ATP13A3: variants seen among roughly 807,000 people sequenced by gnomAD.
ATP13A3 encodes the protein ATPase 13A3, also known as polyamine-transporting ATPase 13A3.
ATP13A3 carries 59 observed loss-of-function variants against 158.1 expected under a neutral mutation model. The observed-to-expected ratio is 0.37, with a 90% CI of 0.30 to 0.46. The LOEUF (loss-of-function observed/expected upper bound fraction) is 0.46. Ranked by LOEUF, ATP13A3 falls within the 20% of genes least tolerant of loss-of-function variation. The probability of loss-of-function intolerance (pLI) is 1.00; values close to 1 mark genes in which losing one functional copy is unlikely to be tolerated. For missense variants in ATP13A3, 1,166 were observed against 1,525.2 expected, an observed-to-expected ratio of 0.76 and a Z score of 3.92; for synonymous variants, 491 against 504.3, an observed-to-expected ratio of 0.97 and a Z score of 0.35.
chr3:194,446,880 A>T, intron 14 of ATP13A3, 47 bp downstream of exon 14: 1 of 1,460,684 alleles, frequency 6.8e-7, no homozygotes, highest in Non-Finnish European at 9.3e-7. Flanking sequence ...CTAAATATTT[A>T]AACGCTACGA....
At chr3:194,480,343 T>C (rs1720701336) in intron 2 of ATP13A3, among the ~76,000 whole-genome samples, 1 of 152,326 alleles carries the variant, frequency 6.6e-6, no homozygotes, top group South Asian at 2.1e-4. Context: ...ATAAGACTGT[T>C]AAGTTTTTAG....
chr3:194,454,328 T>G lies in ATP13A3; in HGVS notation c.695A>C (p.Tyr232Ser), dbSNP rs369464906. The change falls in exon 9 of 34, where the codon TAT (tyrosine) becomes TCT (serine). Residue 232 changes from tyrosine (Y) to serine (S), a missense_variant. By Grantham distance (144) the Tyr-to-Ser change is moderately radical. Coordinates refer to ENST00000645319, the MANE Select transcript of ATP13A3 (RefSeq NM_001367549.1). ...SVILWSTDEYYYYALAIVVMS... is the reference protein window; with the variant it reads ...SVILWSTDEYSYYALAIVVMS... ...AACCACAATAGCTAGAGCATAGTAA[T>G]AGTATTCATCAGTGCTCCACAGTAT... 1 of 1,607,660 alleles carries G rather than the reference T, an allele frequency of 6.2e-7. No individual in the cohort carries two copies. The highest frequency in any genetic ancestry group is 8.5e-7 in the Non-Finnish European group (1 of 1,174,350).
rs777987674 is a variant in ATP13A3, at chr3:194,413,834, C to A, written c.3408G>T (p.Val1136=). ...VASVDQVLQI[V]CVPYQWRVTM... is the part of the protein sequence containing the mutation. ...TTACACGCCACTGATATGGTACACA[C>A]ACTATCTGTAATGCAAAAACATTTT... Residue 1136 remains valine, a synonymous_variant, in exon 32 of 34, where the codon GTG becomes GTT. Transcript: ENST00000645319. 2 of 1,613,078 alleles carry A rather than the reference C, an allele frequency of 1.2e-6. No homozygotes were observed. The highest frequency in any genetic ancestry group is 1.7e-6 in the Non-Finnish European group (2 of 1,179,246).
At chr3:194,431,978 G>T in intron 21 of ATP13A3, 86 bp from the exon 22 acceptor site, 1 of 1,132,328 alleles carries the variant, frequency 8.8e-7, no homozygotes, top group Non-Finnish European at 1.2e-6. Flanking sequence ...ATCTACTACA[G>T]TCTCCATGAC....
intron 17 of ATP13A3, among the ~76,000 whole-genome samples, chr3:194,438,017 G>A (rs948404154): frequency 6.6e-6 from 1 of 152,040 alleles, no homozygotes; most frequent in African/African-American, 2.4e-5. Context: ...AAAATTAGCC[G>A]GGTGTGGTGG....
In ATP13A3 at chr3:194,412,181, G is replaced by A. The variant is rs975830218; in HGVS notation, c.3573+18C>T. ...CTAGAGAGGCAGCAAGAATTGACAG[G>A]AAGTGCTGAGTTCCAACCTGCGGTG... On this transcript the variant is annotated intron_variant, in intron 33 of 33. Transcript: ENST00000645319. 6.5e-7 allele frequency: 1 copy of A among 1,530,250 alleles called. No homozygotes were observed. The highest frequency in any genetic ancestry group is 8.8e-7 in the Non-Finnish European group (1 of 1,141,550). 94.8% of individuals were successfully genotyped at this position (1,530,250 alleles called of 1,614,324 possible).
intron 21 of ATP13A3, chr3:194,432,166 A>AC: frequency 5.4e-6 from 2 of 368,570 alleles, no homozygotes; most frequent in Non-Finnish European, 4.8e-6. Flanking sequence ...CCAGTCATGC[A>AC]CTATTTGTAT....
At chr3:194,454,761 A>G (rs557168163) in intron 8 of ATP13A3, among the ~76,000 whole-genome samples, 81 of 151,902 alleles carry the variant, frequency 5.3e-4, no homozygotes, top group Non-Finnish European at 9.7e-4. Flanking sequence ...CCCGGGAGGC[A>G]GAGCTTGCAG....
At position 194,405,038 on chromosome 3, in the gene ATP13A3, A is replaced by T. The variant is rs963078056; in HGVS notation, c.*881T>A. The T allele has an allele frequency of 2.0e-5, 3 of 152,232 alleles. No homozygotes were observed. Among genetic ancestry groups the T allele is most frequent in the Non-Finnish European group, 2.9e-5 (2 of 68,038 alleles). The allele number at this position is 152,232 out of a possible 1,614,324, so 9.4% of individuals were successfully genotyped here. ...AATTGAAAACATAGAAGAAAATTTTAAAAAACCATTTAAAATAACACAAAG... is the reference window on the plus strand; with the variant it reads ...AATTGAAAACATAGAAGAAAATTTTTAAAAACCATTTAAAATAACACAAAG... On this transcript the variant is annotated 3_prime_UTR_variant, in exon 34 of 34. Coordinates refer to ENST00000645319, the MANE Select transcript of ATP13A3 (RefSeq NM_001367549.1).
Position 194,482,646 on chromosome 3 carries a change from C to T in ATP13A3, c.-47+3148G>A, listed in dbSNP as rs73892212. ...CGAGAACCTAACAATTTCCTTGCTT[C>T]TTGCATGCTATTTGAACTTAAGTGG... On this transcript the variant is annotated intron_variant, in intron 2 of 33. Transcript: ENST00000645319. 2.1e-3 allele frequency among the ~76,000 whole-genome samples: 314 copies of T among 152,260 alleles called. 2 individuals are homozygous for T. The highest frequency in any genetic ancestry group is 7.3e-3 in the African/African-American group (302 of 41,526).
At chr3:194,428,153 G>A (rs1039202708) in intron 28 of ATP13A3, among the ~76,000 whole-genome samples, 2 of 150,498 alleles carry the variant, frequency 1.3e-5, no homozygotes, top group Non-Finnish European at 2.9e-5. Flanking sequence ...CTCGGGAGGC[G>A]GAGGTTGCAG....
At chr3:194,415,195 G>T (rs1715735770) in intron 31 of ATP13A3, among the ~76,000 whole-genome samples, 1 of 152,162 alleles carries the variant, frequency 6.6e-6, no homozygotes, top group Non-Finnish European at 1.5e-5. Flanking sequence ...AAATACTGCT[G>T]GGGAGTCAAG....
intron 28 of ATP13A3, among the ~76,000 whole-genome samples, 197 bp from the exon 29 acceptor site, chr3:194,427,449 A>G (rs1447858588): frequency 6.6e-6 from 1 of 152,054 alleles, no homozygotes; most frequent in Admixed American, 6.6e-5. Context: ...AGGCTTTTTG[A>G]AAAACGCCTC....
At chr3:194,458,076 A>AC (rs1353020485) in intron 6 of ATP13A3, among the ~76,000 whole-genome samples, 1 of 151,124 alleles carries the variant, frequency 6.6e-6, no homozygotes, top group Non-Finnish European at 1.5e-5. Flanking sequence ...ATGAGCCACC[A>AC]CCCCCCGCCT....
chr3:194,462,314 T>C (rs1577081650), intron 2 of ATP13A3, 78 bp from the exon 3 acceptor site: 1 of 1,003,008 alleles, frequency 1.0e-6, no homozygotes, highest in South Asian at 1.5e-5. Flanking sequence ...CTATCAACTG[T>C]CTATTATACA....
chr3:194,416,239 C>T (rs1488312742), intron 31 of ATP13A3, among the ~76,000 whole-genome samples: 7 of 152,092 alleles, frequency 4.6e-5, no homozygotes, highest in Non-Finnish European at 8.8e-5. Context: ...GTGGGTGGAT[C>T]GTGAGGTCAG....
At chr3:194,463,438 G>T (rs1719796087) in intron 2 of ATP13A3, among the ~76,000 whole-genome samples, 1 of 151,530 alleles carries the variant, frequency 6.6e-6, no homozygotes, top group African/African-American at 2.4e-5. Context: ...TTTTATTTTT[G>T]TAATAAATAT....
rs752180922 is a variant in ATP13A3, at chr3:194,459,881, GCTT to G, written c.313_315del (p.Lys105del). ...AAACAAACTGCATGGCCATTTGAAA[GCTT>G]ATTAGACATAGATTTTGGACTTGAA... On this transcript the variant is annotated inframe_deletion, in exon 5 of 34. Transcript: ENST00000645319. The G allele has an allele frequency of 7.5e-5, 121 of 1,613,410 alleles. No individual in the cohort carries two copies. Among genetic ancestry groups the G allele is most frequent in the Non-Finnish European group, 9.6e-5 (113 of 1,179,596 alleles).
chr3:194,490,989 C>A (rs1721139844), upstream of ATP13A3, among the ~76,000 whole-genome samples: 1 of 152,164 alleles, frequency 6.6e-6, no homozygotes, highest in African/African-American at 2.4e-5. The surrounding 1 kb of genome is among the most constrained non-coding windows in gnomAD (Gnocchi z 4.4). Flanking sequence ...ACTAAACATA[C>A]ATAAATTAGC....
Sources: allele counts gnomAD v4.1 joint callset (sites outside exome capture counted in the v4.1 genomes callset), GRCh38; gene constraint gnomAD v4.1.1; non-coding constraint Gnocchi (gnomAD v3.1); transcripts MANE v1.5; gene names NCBI Gene and HGNC (gene_info 2026-07-23, HGNC 2026-07-21).